HNRNPA3: variants seen among roughly 807,000 people sequenced by gnomAD.
HNRNPA3 encodes the protein epididymis secretory sperm binding protein.
HNRNPA3 carries 3 observed loss-of-function variants against 45.8 expected under a neutral mutation model. That is an observed-to-expected ratio of 0.07 (90% CI 0.03 to 0.17). The LOEUF (loss-of-function observed/expected upper bound fraction) is 0.17. HNRNPA3 is among the 10% of genes least tolerant of loss of function. The pLI is 1.00. For missense variants in HNRNPA3, 183 were observed against 480.3 expected, an observed-to-expected ratio of 0.38 and a Z score of 5.79; for synonymous variants, 170 against 155.6, an observed-to-expected ratio of 1.09 and a Z score of -0.69.
intron 8 of HNRNPA3, 77 bp downstream of exon 8, chr2:177,217,922 T>G: frequency 7.4e-7 from 1 of 1,351,054 alleles, no homozygotes; most frequent in Non-Finnish European, 9.9e-7. Flanking sequence ...ATTTGGAAAG[T>G]GTTAAAAGCG....
exon 9 of HNRNPA3, chr2:177,219,142 C>T (rs1689083393): frequency 6.2e-7 from 1 of 1,614,026 alleles, no homozygotes; most frequent in Non-Finnish European, 8.5e-7. Context: ...GGAAGAAGCT[C>T]GGGCAGTCCC....
At chr2:177,213,014 G>A (rs1266512153) in intron 1 of HNRNPA3, 143 bp downstream of exon 1, 3 of 533,914 alleles carry the variant, frequency 5.6e-6, no homozygotes, top group Non-Finnish European at 9.4e-6. Context: ...AGGGGAGCGA[G>A]AGTTGGAGAC....
At chr2:177,218,838 C>G (rs188277152) in intron 8 of HNRNPA3, among the ~76,000 whole-genome samples, 199 bp from the exon 9 acceptor site, 1 of 152,194 alleles carries the variant, frequency 6.6e-6, no homozygotes, top group African/African-American at 2.4e-5. Flanking sequence ...AGAGAACATG[C>G]GCCTAGAGGA....
intron 1 of HNRNPA3, among the ~76,000 whole-genome samples, chr2:177,214,727 G>A (rs1462765722): frequency 6.6e-6 from 1 of 152,206 alleles, no homozygotes; most frequent in African/African-American, 2.4e-5. Context: ...CCCGGGAGGC[G>A]GAGGTTGCAG....
intron 4 of HNRNPA3, 117 bp downstream of exon 4, chr2:177,216,305 C>G (rs969714311): frequency 2.2e-5 from 17 of 758,724 alleles, no homozygotes; most frequent in African/African-American, 1.9e-4. Context: ...AGTGTATAGT[C>G]AATTTTCATA....
At chr2:177,215,219 C>T (rs891442905) in intron 1 of HNRNPA3, among the ~76,000 whole-genome samples, 1 of 152,042 alleles carries the variant, frequency 6.6e-6, no homozygotes, top group African/African-American at 2.4e-5. Flanking sequence ...TTTCCTTTCT[C>T]GAGTAGCTGG....
chr2:177,223,207 A>G (rs1229967145), downstream of HNRNPA3: 1 of 152,234 alleles, frequency 6.6e-6, no homozygotes, highest in Admixed American at 6.5e-5. Flanking sequence ...CCCAATTTCT[A>G]CGCGTGTTGA....
At chr2:177,220,169 A>T (rs1186642905), downstream of HNRNPA3, 2 of 152,650 alleles carry the variant, frequency 1.3e-5, no homozygotes, top group Non-Finnish European at 2.9e-5. Context: ...AAATGTAATC[A>T]TATGATTTTA....
chr2:177,212,999 G>C (rs1688747334), intron 1 of HNRNPA3, 128 bp downstream of exon 1: 1 of 565,498 alleles, frequency 1.8e-6, no homozygotes, highest in Non-Finnish European at 2.9e-6. Context: ...GGCTGTGGGA[G>C]GGGGAGGGGA....
chr2:177,219,410 T>TAC, exon 11 of HNRNPA3: 1 of 918,686 alleles, frequency 1.1e-6, no homozygotes, highest in South Asian at 1.7e-5. Flanking sequence ...TTCAACAGGC[T>TAC]ACAGTTCTTA....
downstream of HNRNPA3, chr2:177,220,458 G>A (rs1399648038): frequency 6.5e-6 from 1 of 154,154 alleles, no homozygotes; most frequent in Admixed American, 6.6e-5. Flanking sequence ...CATAAATCTT[G>A]AGTTACTTTA....
chr2:177,223,951 A>G (rs553916968), downstream of HNRNPA3: 1 of 152,366 alleles, frequency 6.6e-6, no homozygotes, highest in Non-Finnish European at 1.5e-5. Flanking sequence ...AAACAACAGG[A>G]AACTTGGAGT....
At chr2:177,214,749 C>G (rs920092206) in intron 1 of HNRNPA3, among the ~76,000 whole-genome samples, 3 of 152,140 alleles carry the variant, frequency 2.0e-5, no homozygotes, top group Admixed American at 6.6e-5. Context: ...GAGCCGAGAT[C>G]GCGCCACTGC....
At chr2:177,218,887 T>C in intron 8 of HNRNPA3, 150 bp from the exon 9 acceptor site, 1 of 860,340 alleles carries the variant, frequency 1.2e-6, no homozygotes, top group East Asian at 2.6e-5. Flanking sequence ...GGTCTTTTAA[T>C]ATCCTGACAT....
At chr2:177,213,382 G>T (rs577713509) in intron 1 of HNRNPA3, among the ~76,000 whole-genome samples, 1 of 152,374 alleles carries the variant, frequency 6.6e-6, no homozygotes, top group South Asian at 2.1e-4. Context: ...AGGCGGCCCG[G>T]CAGAAAAAGC....
chr2:177,212,988 A>G, intron 1 of HNRNPA3, 117 bp downstream of exon 1: 1 of 588,230 alleles, frequency 1.7e-6, no homozygotes, highest in South Asian at 2.5e-5. Flanking sequence ...GCGTTGAGAC[A>G]GGCTGTGGGA....
At chr2:177,215,253 C>G (rs1348745428) in intron 1 of HNRNPA3, among the ~76,000 whole-genome samples, 1 of 152,114 alleles carries the variant, frequency 6.6e-6, no homozygotes, top group East Asian at 1.9e-4. Context: ...CGCCACCACG[C>G]CCAGCTAATT....
chr2:177,220,191 T>C (rs1689128998), downstream of HNRNPA3: 1 of 152,682 alleles, frequency 6.5e-6, no homozygotes, highest in Non-Finnish European at 1.5e-5. Context: ...TGTGTTAGAC[T>C]TGCTGAGTCC....
chr2:177,216,548 A>G (rs2105430600), exon 5 of HNRNPA3: 1 of 1,614,042 alleles, frequency 6.2e-7, no homozygotes, highest in South Asian at 1.1e-5. Context: ...GAAGTGAAAA[A>G]GGCCCTTTCT....
Sources: gnomAD v4.1 joint callset for allele counts (sites outside exome capture counted in the v4.1 genomes callset) on GRCh38, gnomAD v4.1.1 for gene constraint, MANE v1.5 for transcripts, NCBI Gene and HGNC (gene_info 2026-07-23, HGNC 2026-07-21) for gene names.